MAPK6: variants seen among roughly 807,000 people sequenced by gnomAD.
MAPK6 encodes the protein ERK-3.
MAPK6 carries 19 observed loss-of-function variants against 59.3 expected under a neutral mutation model. The observed-to-expected ratio is 0.32, with a 90% CI of 0.22 to 0.47. The LOEUF (loss-of-function observed/expected upper bound fraction) is 0.47. MAPK6 is among the 20% of genes least tolerant of loss of function. The probability of loss-of-function intolerance (pLI) is 1.00; values close to 1 mark genes in which losing one functional copy is unlikely to be tolerated. For synonymous variants in MAPK6, 316 were observed against 290.3 expected (o/e 1.09, Z -0.90); for missense variants, 724 against 847.9 (o/e 0.85, Z 1.81).
chr15:52,064,094 T>C lies in MAPK6; in HGVS notation c.1260T>C (p.Ser420=), dbSNP rs901085828. 2 of 1,612,228 alleles carry C rather than the reference T, an allele frequency of 1.2e-6. No homozygotes were observed. Among genetic ancestry groups the C allele is most frequent in the Non-Finnish European group, 1.7e-6 (2 of 1,178,882 alleles). ...ATCCTGCTTTTGATACCAATTACTC[T>C]ACTGAGCCTTGTTGGCAATACTCAG... ...LEDPAFDTNY[S]TEPCWQYSDH... is the part of the protein sequence containing the mutation. The change falls in exon 6 of 6, where the codon TCT becomes TCC. Residue 420 remains serine, a synonymous_variant. Transcript: ENST00000261845.
At chr15:52,022,834 G>A (rs184616734) in intron 1 of MAPK6, among the ~76,000 whole-genome samples, 64 of 152,208 alleles carry the variant, frequency 4.2e-4, no homozygotes, top group Non-Finnish European at 7.8e-4. Context: ...ACTGAGGCCG[G>A]GGGCAGTGGC....
At chr15:52,016,536 C>T (rs1038158438), upstream of MAPK6, among the ~76,000 whole-genome samples, 1 of 152,202 alleles carries the variant, frequency 6.6e-6, no homozygotes, top group African/African-American at 2.4e-5. Flanking sequence ...ATTGTGGTTT[C>T]AGGAACTTCC....
At chr15:52,052,085 A>T (rs1417406712) in intron 3 of MAPK6, among the ~76,000 whole-genome samples, 1 of 152,206 alleles carries the variant, frequency 6.6e-6, no homozygotes, top group African/African-American at 2.4e-5. Context: ...AGTAGCTTAA[A>T]CAACAAACAT....
At position 52,012,880 on chromosome 15, in the gene MAPK6, G is replaced by A. The variant is rs1489348146; in HGVS notation, c.-632+8478G>A. Among the ~76,000 whole-genome samples, 7 of 150,206 alleles carry A rather than the reference G, an allele frequency of 4.7e-5. No homozygotes were observed. The South Asian group carries it at 6.3e-4, about 14-fold the overall frequency. ...TGGGTGCCTGTAGTCCCAGCTACTC[G>A]GGAGGATGAGGCATGAGAATGCCTT... On this transcript the variant is annotated intron_variant, in intron 3 of 7. Transcript: ENST00000691380.
chr15:52,062,505 C>T (rs963808466), intron 5 of MAPK6, among the ~76,000 whole-genome samples: 9 of 152,072 alleles, frequency 5.9e-5, no homozygotes, highest in African/African-American at 1.9e-4. Context: ...TGGCTCATGC[C>T]TGTAATCCCA....
At chr15:51,984,289 A>T (rs1206262193) in intron 2 of MAPK6, among the ~76,000 whole-genome samples, 1 of 151,514 alleles carries the variant, frequency 6.6e-6, no homozygotes, top group African/African-American at 2.4e-5. Context: ...TCAGAAACAA[A>T]TTTTTTTTCT....
rs1277229267 is a variant in MAPK6, at chr15:52,066,534, T to TTACCTATCCAGCTACAAAAC, written c.*1535_*1554dup. 6.6e-6 allele frequency: 1 copy of TTACCTATCCAGCTACAAAAC among 152,036 alleles called. No individual in the cohort carries two copies. Among genetic ancestry groups the TTACCTATCCAGCTACAAAAC allele is most frequent in the African/African-American group, 2.4e-5 (1 of 41,334 alleles). 9.4% of individuals were successfully genotyped at this position (152,036 alleles called of 1,614,324 possible). A position where few individuals can be genotyped will look rare whatever the true frequency, so the allele number is the denominator to read the frequency against. ...CATCTTTGCGTAAGAACTTACCCTTTTACCTATCCAGCTACAAAACCATCC... is the reference window on the plus strand; with the variant it reads ...CATCTTTGCGTAAGAACTTACCCTTTTACCTATCCAGCTACAAAACTACCTATCCAGCTACAAAACCATCC... On this transcript the variant is annotated 3_prime_UTR_variant, in exon 6 of 6. Transcript: ENST00000261845.
At chr15:51,992,555 C>T (rs992744118) in intron 2 of MAPK6, among the ~76,000 whole-genome samples, 10 of 151,842 alleles carry the variant, frequency 6.6e-5, no homozygotes, top group African/African-American at 1.5e-4. Flanking sequence ...CCACCCACCT[C>T]GGCCTCCCAA....
Position 52,065,841 on chromosome 15 carries a change from A to G in MAPK6, c.*841A>G, listed in dbSNP as rs951286020. 4 of 152,694 alleles carry G rather than the reference A, an allele frequency of 2.6e-5. No individual in the cohort carries two copies. The highest frequency in any genetic ancestry group is 4.4e-5 in the Non-Finnish European group (3 of 68,020). The allele number at this position is 152,694 out of a possible 1,614,324, so 9.5% of individuals were successfully genotyped here. On this transcript the variant is annotated 3_prime_UTR_variant, in exon 6 of 6. Coordinates refer to ENST00000261845, the MANE Select transcript of MAPK6 (RefSeq NM_002748.4). Reference sequence around the variant, plus strand: ...GGCTGTCCACGTACTTAATTTACTTAAGTGTTCATTTTAAGTAACGTGCTC... The same window carrying G: ...GGCTGTCCACGTACTTAATTTACTTGAGTGTTCATTTTAAGTAACGTGCTC...
intron 1 of MAPK6, among the ~76,000 whole-genome samples, chr15:52,019,620 G>C (rs1394510532): frequency 1.4e-5 from 2 of 146,246 alleles, no homozygotes; most frequent in African/African-American, 4.9e-5. Context: ...GGGCGGGCGG[G>C]CGGCGGGCTG....
At chr15:52,038,736 C>T (rs1285392898) in intron 1 of MAPK6, among the ~76,000 whole-genome samples, 2 of 152,096 alleles carry the variant, frequency 1.3e-5, no homozygotes, top group Non-Finnish European at 2.9e-5. Flanking sequence ...AGAATAAAGC[C>T]TCCTGCCGGG....
At chr15:52,052,228 A>T (rs1490128553) in intron 3 of MAPK6, among the ~76,000 whole-genome samples, 1 of 152,172 alleles carries the variant, frequency 6.6e-6, no homozygotes, top group Admixed American at 6.6e-5. Flanking sequence ...AGGCAGGAGG[A>T]TCCACTTCTA....
chr15:51,984,558 C>T (rs370430667), intron 2 of MAPK6, among the ~76,000 whole-genome samples: 9 of 150,974 alleles, frequency 6.0e-5, no homozygotes, highest in African/African-American at 2.0e-4. Flanking sequence ...CCGCCTCAGC[C>T]TCCCAAAGTG....
intron 1 of MAPK6, among the ~76,000 whole-genome samples, chr15:52,031,477 T>C (rs551517372): frequency 6.6e-6 from 1 of 152,266 alleles, no homozygotes; most frequent in African/African-American, 2.4e-5. Context: ...AGTGTAAGGG[T>C]ATATGTCCAA....
At chr15:52,059,000 C>T (rs570349227) in intron 4 of MAPK6, among the ~76,000 whole-genome samples, 30 of 152,268 alleles carry the variant, frequency 2.0e-4, no homozygotes, top group African/African-American at 7.2e-4. Context: ...TTTGGTTCCT[C>T]TGAATCACTT....
intron 3 of MAPK6, among the ~76,000 whole-genome samples, chr15:52,050,691 C>T (rs2031749644): frequency 1.3e-5 from 2 of 152,140 alleles, no homozygotes; most frequent in African/African-American, 4.8e-5. Flanking sequence ...AGAAGCTATG[C>T]ATCAGTGATT....
intron 1 of MAPK6, among the ~76,000 whole-genome samples, chr15:52,022,570 G>T (rs552447157): frequency 6.6e-6 from 1 of 152,040 alleles, no homozygotes; most frequent in South Asian, 2.1e-4. Context: ...CCCATAAAAT[G>T]TATTGTTAAT....
intron 3 of MAPK6, among the ~76,000 whole-genome samples, chr15:52,051,853 G>A (rs535946722): frequency 1.7e-3 from 245 of 148,204 alleles, no homozygotes; most frequent in African/African-American, 5.7e-3. Context: ...CAGCCTGGGC[G>A]ACAGAGACTC....
intron 2 of MAPK6, among the ~76,000 whole-genome samples, chr15:52,002,840 C>T (rs947005003): frequency 2.0e-5 from 3 of 151,398 alleles, no homozygotes; most frequent in Admixed American, 6.6e-5. Flanking sequence ...TAGGTGGCAG[C>T]AGGTGAGACA....
Sources: allele counts gnomAD v4.1 joint callset (sites outside exome capture counted in the v4.1 genomes callset), GRCh38; gene constraint gnomAD v4.1.1; transcripts MANE v1.5; gene names NCBI Gene and HGNC (gene_info 2026-07-23, HGNC 2026-07-21).